The following TTN variants were observed in gnomAD, a reference collection of about 807,000 sequenced individuals.
The protein encoded by TTN is connectin.
Under a neutral mutation model 3,223.0 loss-of-function variants are expected in TTN, and 1,525 were observed. That is an observed-to-expected ratio of 0.47 (90% confidence interval 0.45 to 0.49). The LOEUF is 0.49. Ranked by LOEUF, TTN falls within the 20% of genes least tolerant of loss-of-function variation. The probability of loss-of-function intolerance (pLI) is 0.00; values close to 1 mark genes in which losing one functional copy is unlikely to be tolerated. For missense variants in TTN, 40,786 were observed against 43,424.0 expected (o/e 0.94, Z 5.40); for synonymous variants, 14,094 against 15,161.0 (o/e 0.93, Z 5.17).
Position 178,552,237 on chromosome 2 carries a change from G to A in TTN, c.90663C>T (p.Thr30221=), listed in dbSNP as rs1262997857. The change falls in exon 335 of 363, where the codon ACC becomes ACT. Residue 30221 remains threonine, a synonymous_variant. Coordinates refer to ENST00000589042, the MANE Select transcript of TTN (RefSeq NM_001267550.2). ...CRIAVPITVI[T]LGPPSKPKGP... ...CTTTGGGCTTTGATGGTGGGCCAAG[G>A]GTGATGACTGTAATGGGGACTGCAA... The A allele has an allele frequency of 6.2e-7, 1 of 1,613,346 alleles. No homozygotes were observed. The highest frequency in any genetic ancestry group is 1.3e-5 in the African/African-American group (1 of 74,982).
At chr2:178,746,439 C>A in intron 47 of TTN, 1 of 1,611,240 alleles carries the variant, frequency 6.2e-7, no homozygotes, top group Middle Eastern at 1.7e-4. Flanking sequence ...AATTCTTTAA[C>A]GTCTTTTTCA....
chr2:178,797,241 C>T (rs1232298565), intron 6 of TTN, among the ~76,000 whole-genome samples: 1 of 151,068 alleles, frequency 6.6e-6, no homozygotes, highest in Non-Finnish European at 1.5e-5. Flanking sequence ...TGAGACTGAA[C>T]ATTTTTTTTT....
Position 178,720,922 on chromosome 2 carries a change from T to A in TTN, c.23097A>T (p.Lys7699Asn). The A allele has an allele frequency of 6.3e-7, 1 of 1,584,116 alleles. No individual in the cohort carries two copies. The highest frequency in any genetic ancestry group is 1.3e-5 in the African/African-American group (1 of 74,406). Residue 7699 changes from lysine to asparagine, a missense_variant and splice_region_variant, in exon 79 of 363, where the codon AAA (lysine) becomes AAT (asparagine). Coordinates refer to ENST00000589042, the MANE Select transcript of TTN (RefSeq NM_001267550.2). ...ACAAAGAAGCTTAGTGTGTCTAACCTTTCACTGTCAACGCTGTGCTGCAGC... is the reference window on the plus strand; with the variant it reads ...ACAAAGAAGCTTAGTGTGTCTAACCATTCACTGTCAACGCTGTGCTGCAGC... ...DASCSTALTV[K>N]APPVFTQKPS...
chr2:178,771,658 G>C (rs1321021100), intron 33 of TTN, among the ~76,000 whole-genome samples, 187 bp from the exon 34 acceptor site: 1 of 152,154 alleles, frequency 6.6e-6, no homozygotes, highest in Non-Finnish European at 1.5e-5. Context: ...ATGCATAACT[G>C]ATAATTAGGA....
chr2:178,744,579 C>T (rs1193658123), intron 47 of TTN: 6 of 913,478 alleles, frequency 6.6e-6, no homozygotes, highest in Admixed American at 1.2e-4. Context: ...AAGCTATATT[C>T]GTTTTAAAGA....
chr2:178,795,316 T>A, intron 6 of TTN, 64 bp from the exon 7 acceptor site: 1 of 1,516,382 alleles, frequency 6.6e-7, no homozygotes, highest in South Asian at 1.1e-5. Flanking sequence ...ATGTGAATCA[T>A]GAGATGAAAA....
rs2093448036 is a variant in TTN, at chr2:178,790,801, A to G, written c.1707T>C (p.Val569=). The G allele has an allele frequency of 1.2e-6, 2 of 1,614,164 alleles. No individual in the cohort carries two copies. Among genetic ancestry groups the G allele is most frequent in the African/African-American group, 2.7e-5 (2 of 75,068 alleles). The change falls in exon 11 of 363, where the codon GTT becomes GTC. Residue 569 remains valine, a synonymous_variant. Transcript: ENST00000589042. ...TEITAASMVV[V]ATAKSTKLET... ...CTAGTTTTGTGGACTTTGCAGTGGCAACTACCACCATGGATGCAGCAGTTA... is the reference window on the plus strand; with the variant it reads ...CTAGTTTTGTGGACTTTGCAGTGGCGACTACCACCATGGATGCAGCAGTTA...
chr2:178,654,154 T>A lies in TTN; in HGVS notation c.38380+54A>T, dbSNP rs1357313548. On this transcript the variant is annotated intron_variant, in intron 193 of 362. Transcript: ENST00000589042. ...ATGGCGAAGGTATATATTACAGTGA[T>A]TGTGAGGGGTACAGACAGTAAGTTA... The A allele has an allele frequency of 1.0e-5, 16 of 1,591,010 alleles. 1 individual carries two copies. The highest frequency in any genetic ancestry group is 6.8e-6 in the Non-Finnish European group (8 of 1,177,384).
At position 178,663,662 on chromosome 2, in the gene TTN, G is replaced by T. The variant is rs957448445; in HGVS notation, c.36497C>A (p.Ala12166Asp). ...EVVPEKKAPV[A>D]PPKEPEVPPV... ...TGGGACTTCAGGCTCTTTAGGAGGA[G>T]CCACTGGCGCTTTCTTTTCAGGAAC... is the stretch of plus-strand genomic sequence containing the variant. Residue 12166 changes from alanine to aspartate, a missense_variant, in exon 171 of 363, where the codon GCT becomes GAT. Transcript: ENST00000589042. 1.9e-6 allele frequency: 3 copies of T among 1,612,570 alleles called. No individual in the cohort carries two copies. Among genetic ancestry groups the T allele is most frequent in the Non-Finnish European group, 2.5e-6 (3 of 1,179,442 alleles).
intron 135 of TTN, 69 bp from the exon 136 acceptor site, chr2:178,681,807 A>C: frequency 7.5e-7 from 1 of 1,325,602 alleles, no homozygotes; most frequent in Non-Finnish European, 1.0e-6. Context: ...CTTAAAAGGA[A>C]TCAAATAATT....
At position 178,774,306 on chromosome 2, in the gene TTN, G is replaced by C; in HGVS notation, c.6958C>G (p.Arg2320Gly). The C allele has an allele frequency of 6.2e-7, 1 of 1,614,020 alleles. No individual in the cohort carries two copies. The highest frequency in any genetic ancestry group is 8.5e-7 in the Non-Finnish European group (1 of 1,179,956). Reference sequence around the variant, plus strand: ...ACATCCTTGACCGTGAGGTTCTGACGTCCACGACGAGATGTAATTGTATAT... The same window carrying C: ...ACATCCTTGACCGTGAGGTTCTGACCTCCACGACGAGATGTAATTGTATAT... ...GKYTITSRRG[R>G]QNLTVKDVTK... The change falls in exon 30 of 363, where the codon CGT becomes GGT. Residue 2320 changes from arginine to glycine, a missense_variant. Coordinates refer to ENST00000589042, the MANE Select transcript of TTN (RefSeq NM_001267550.2).
chr2:178,587,212 C>T lies in TTN; in HGVS notation c.63999G>A (p.Gly21333=). The change falls in exon 307 of 363, where the codon GGG becomes GGA. Residue 21333 remains glycine (G), a synonymous_variant. Coordinates refer to ENST00000589042, the MANE Select transcript of TTN (RefSeq NM_001267550.2). ...CAGTTACTCTGAAGTAATACTCATTCCCAGGGACAAGATTGGTTACATGGA... is the reference window on the plus strand; with the variant it reads ...CAGTTACTCTGAAGTAATACTCATTTCCAGGGACAAGATTGGTTACATGGA... ...TSFHVTNLVP[G]NEYYFRVTAV... is the part of the protein sequence containing the mutation. 2 of 1,613,228 alleles carry T rather than the reference C, an allele frequency of 1.2e-6. No individual in the cohort carries two copies. The highest frequency in any genetic ancestry group is 1.1e-5 in the South Asian group (1 of 91,070).
Position 178,544,203 on chromosome 2 carries a change from A to G in TTN, c.96026T>C (p.Ile32009Thr), listed in dbSNP as rs375368824. The G allele has an allele frequency of 8.7e-6, 14 of 1,612,432 alleles. No individual in the cohort carries two copies. Among genetic ancestry groups the G allele is most frequent in the African/African-American group, 8.0e-5 (6 of 74,864 alleles). Residue 32009 changes from isoleucine to threonine, a missense_variant and splice_region_variant, in exon 345 of 363, where the codon ATA becomes ACA. Transcript: ENST00000589042. ...SIAEIEPVER[I>T]EIPDLELADD... ...CTAAAAGCTTCTGTGATAAATACCT[A>G]TTCTTTCCACGGGCTCAATTTCAGC...
chr2:178,741,813 T>A lies in TTN; in HGVS notation c.11420A>T (p.Tyr3807Phe). 6.2e-7 allele frequency: 1 copy of A among 1,612,832 alleles called. No homozygotes were observed. Reference protein sequence around the residue: ...TLELLSESPVYPTKFDSEKEG... With the variant: ...TLELLSESPVFPTKFDSEKEG... Reference sequence around the variant, plus strand: ...CTTTTCGGAATCAAATTTAGTTGGGTAAACTGGAGATTCAGACAAAAGTTC... The same window carrying A: ...CTTTTCGGAATCAAATTTAGTTGGGAAAACTGGAGATTCAGACAAAAGTTC... The change falls in exon 48 of 363, where the codon TAC becomes TTC. Residue 3807 changes from tyrosine to phenylalanine, a missense_variant. Tyr to Phe is a conservative substitution (Grantham distance 22). Transcript: ENST00000589042.
Position 178,729,900 on chromosome 2 carries a change from C to T in TTN, c.18353G>A (p.Arg6118Lys), listed in dbSNP as rs2154307652. ...IKKPSPVLVL[R>K]NGQSTTFECQ... ...TTCAAATGTTGTTGACTGTCCATTC[C>T]TCAGCACTAAGACTGGACTGGGCTT... Residue 6118 changes from arginine (R) to lysine (K), a missense_variant, in exon 63 of 363, where the codon AGG becomes AAG. Transcript: ENST00000589042. 6.2e-7 allele frequency: 1 copy of T among 1,613,354 alleles called. No individual in the cohort carries two copies. The highest frequency in any genetic ancestry group is 2.2e-5 in the East Asian group (1 of 44,754).
In TTN at chr2:178,702,288, C is replaced by T. The variant is rs367735395; in HGVS notation, c.30434-43G>A. On this transcript the variant is annotated intron_variant, in intron 107 of 362. Transcript: ENST00000589042. ...CCAACTTTTGTTTTCTGATATGTTG[C>T]AAATAACACTTCTTTACTTCAATAT... 1.1e-5 allele frequency: 17 copies of T among 1,611,994 alleles called. No individual in the cohort carries two copies. The African/African-American group carries it at 2.3e-4, about 22-fold the overall frequency.
chr2:178,769,646 T>C, intron 37 of TTN, 33 bp downstream of exon 37: 1 of 1,285,168 alleles, frequency 7.8e-7, no homozygotes, highest in Non-Finnish European at 1.0e-6. Context: ...TTTATATATA[T>C]GTGTATATAT....
At chr2:178,672,562 C>T in intron 153 of TTN, 73 bp downstream of exon 153, 1 of 1,600,180 alleles carries the variant, frequency 6.2e-7, no homozygotes, top group Admixed American at 1.7e-5. Flanking sequence ...AATCAAGACA[C>T]AGAGACATGA....
chr2:178,694,509 T>A, intron 117 of TTN, 90 bp downstream of exon 117: 1 of 885,548 alleles, frequency 1.1e-6, no homozygotes, highest in Non-Finnish European at 1.7e-6. Context: ...TCGTTTCAGA[T>A]TTGTGAGTTA....
Sources: allele counts gnomAD v4.1 joint callset (sites outside exome capture counted in the v4.1 genomes callset), GRCh38; gene constraint gnomAD v4.1.1; transcripts MANE v1.5; gene names NCBI Gene and HGNC (gene_info 2026-07-23, HGNC 2026-07-21).